Variants in SBNO1 observed in about 807,000 individuals in gnomAD.
SBNO1 encodes strawberry notch homolog 1.
A neutral mutation model predicts 173.6 loss-of-function variants in SBNO1; 23 were observed. The ratio of observed to expected loss-of-function variants is 0.13; its 90% CI spans 0.10 to 0.19. The LOEUF is 0.19. Ranked by LOEUF, SBNO1 falls within the 10% of genes least tolerant of loss-of-function variation. The pLI is 1.00. For synonymous variants in SBNO1, 632 were observed against 571.5 expected, an observed-to-expected ratio of 1.11 and a Z score of -1.51; for missense variants, 1,238 against 1,671.2, an observed-to-expected ratio of 0.74 and a Z score of 4.52.
chr12:123,344,410 G>A (rs1290355767), intron 4 of SBNO1, among the ~76,000 whole-genome samples: 1 of 152,280 alleles, frequency 6.6e-6, no homozygotes, highest in East Asian at 1.9e-4. Context: ...ACAGCCACAA[G>A]GACACAGTGG....
At chr12:123,361,056 C>CA (rs1178402121) in intron 1 of SBNO1, among the ~76,000 whole-genome samples, 2 of 151,970 alleles carry the variant, frequency 1.3e-5, no homozygotes, top group African/African-American at 4.8e-5. Context: ...CAATCCTGGT[C>CA]AAAATGGTAA....
In SBNO1 at chr12:123,331,283, G is replaced by A. The variant is rs764761025; in HGVS notation, c.1002C>T (p.Ile334=). ...TACTCAACAAATAATTTTCATAGATGATTCCTGCTATCGTCCTTCCTTTTC... is the reference window on the plus strand; with the variant it reads ...TACTCAACAAATAATTTTCATAGATAATTCCTGCTATCGTCCTTCCTTTTC... The part of the protein sequence containing the change: ...GVGKGRTIAG[I]IYENYLLSRK... Residue 334 remains isoleucine (I), a synonymous_variant, in exon 8 of 32, where the codon ATC becomes ATT. Coordinates refer to ENST00000602398, the MANE Select transcript of SBNO1 (RefSeq NM_001167856.3). 8.1e-6 allele frequency: 13 copies of A among 1,613,896 alleles called. No individual in the cohort carries two copies. Among genetic ancestry groups the A allele is most frequent in the Non-Finnish European group, 1.1e-5 (13 of 1,179,962 alleles).
At chr12:123,313,540 T>C (rs990529456) in intron 24 of SBNO1, 80 bp downstream of exon 24, 10 of 735,934 alleles carry the variant, frequency 1.4e-5, no homozygotes, top group East Asian at 2.7e-5. Flanking sequence ...AAAACTAATA[T>C]AACAGCAAAC....
Position 123,304,679 on chromosome 12 carries a change from A to G in SBNO1, c.3671T>C (p.Val1224Ala), listed in dbSNP as rs1041639266. 1 of 1,550,572 alleles carries G rather than the reference A, an allele frequency of 6.4e-7. No homozygotes were observed. The highest frequency in any genetic ancestry group is 8.9e-7 in the Non-Finnish European group (1 of 1,126,258). ...NKKTAILVKEVNPKKKLFLVY... is the reference protein window; with the variant it reads ...NKKTAILVKEANPKKKLFLVY... Reference sequence around the variant, plus strand: ...TAAGAAAAGTTTCTTTTTAGGATTCACTTCTTTAACTAAGATGGCAGTTTT... The same window carrying G: ...TAAGAAAAGTTTCTTTTTAGGATTCGCTTCTTTAACTAAGATGGCAGTTTT... The change falls in exon 29 of 32, where the codon GTG becomes GCG. Residue 1224 changes from valine to alanine, a missense_variant. Physicochemically the swap from Val to Ala is moderately conservative, Grantham distance 64 (BLOSUM62 0). Around this residue, in one of 14 missense-constraint regions of SBNO1, gnomAD observed 351 missense variants for 420.3 expected, o/e 0.84. Coordinates refer to ENST00000602398, the MANE Select transcript of SBNO1 (RefSeq NM_001167856.3).
intron 15 of SBNO1, among the ~76,000 whole-genome samples, 175 bp downstream of exon 15, chr12:123,325,327 T>C (rs571302044): frequency 1.3e-5 from 2 of 152,350 alleles, no homozygotes; most frequent in East Asian, 3.9e-4. Context: ...ATGAGATTTC[T>C]GTTATTGTTT....
chr12:123,300,781 A>G (rs2048760626), intron 30 of SBNO1, among the ~76,000 whole-genome samples: 1 of 151,816 alleles, frequency 6.6e-6, no homozygotes. Flanking sequence ...CCAACATGGT[A>G]AAACCCTGTC....
chr12:123,318,841 AACATG>A (rs2138958569), intron 20 of SBNO1, among the ~76,000 whole-genome samples: 1 of 152,010 alleles, frequency 6.6e-6, no homozygotes, highest in East Asian at 2.0e-4. Context: ...GTCTTAATAT[AACATG>A]ACATAGCAAT....
intron 30 of SBNO1, among the ~76,000 whole-genome samples, 166 bp downstream of exon 30, chr12:123,302,658 G>A (rs1241471987): frequency 6.6e-6 from 1 of 152,306 alleles, no homozygotes; most frequent in East Asian, 1.9e-4. Flanking sequence ...AAACTAAACA[G>A]TTTCTAGTCT....
chr12:123,333,655 C>G (rs1052310547), intron 7 of SBNO1, among the ~76,000 whole-genome samples: 1 of 151,928 alleles, frequency 6.6e-6, no homozygotes, highest in African/African-American at 2.4e-5. Flanking sequence ...TGCCACTACA[C>G]TCAGCTAATT....
At chr12:123,320,332 C>G (rs1869808196) in intron 19 of SBNO1, 100 bp downstream of exon 19, 1 of 1,163,440 alleles carries the variant, frequency 8.6e-7, no homozygotes, top group Admixed American at 2.4e-5. Flanking sequence ...ATTCTATGAT[C>G]TAAGAAATTT....
chr12:123,323,374 A>G (rs112443234), intron 16 of SBNO1, among the ~76,000 whole-genome samples: 2 of 152,118 alleles, frequency 1.3e-5, no homozygotes, highest in Non-Finnish European at 2.9e-5. Context: ...TTCTTTTTTG[A>G]GACAGAGTCT....
intron 30 of SBNO1, among the ~76,000 whole-genome samples, chr12:123,300,176 G>A (rs1413265221): frequency 6.6e-6 from 1 of 152,154 alleles, no homozygotes; most frequent in Non-Finnish European, 1.5e-5. Context: ...TTAAATGTAG[G>A]TATATAGGAC....
intron 1 of SBNO1, chr12:123,364,403 G>T (rs748213554): frequency 1.0e-6 from 1 of 985,470 alleles, no homozygotes; most frequent in Non-Finnish European, 1.2e-6. Flanking sequence ...TCCAAGAGGG[G>T]TGCCTCCGGC....
chr12:123,302,213 G>GT (rs1174023690), intron 30 of SBNO1, among the ~76,000 whole-genome samples: 1 of 148,340 alleles, frequency 6.7e-6, no homozygotes, highest in East Asian at 2.0e-4. Flanking sequence ...GATTACAGGC[G>GT]TAAGCCACCA....
rs11288218 is a variant in SBNO1 at position 123,291,679 on chromosome 12, T to TAAAAAAAAAA, written c.*4219_*4228dup. On this transcript the variant is annotated 3_prime_UTR_variant, in exon 32 of 32. Coordinates refer to ENST00000602398, the MANE Select transcript of SBNO1 (RefSeq NM_001167856.3). ...AATGAAAAGTTTTCCATACTTTTCT[T>TAAAAAAAAAA]AAAAAAAAAAAAAAAAAAAAGTCAT... 8.4e-6 allele frequency: 1 copy of TAAAAAAAAAA among 118,622 alleles called. No homozygotes were observed. Among genetic ancestry groups the TAAAAAAAAAA allele is most frequent in the African/African-American group, 3.2e-5 (1 of 31,136 alleles). 7.3% of individuals were successfully genotyped at this position (118,622 alleles called of 1,614,324 possible). A position where few individuals can be genotyped will look rare whatever the true frequency, so the allele number is the denominator to read the frequency against.
At chr12:123,306,142 C>G (rs933901610) in intron 28 of SBNO1, among the ~76,000 whole-genome samples, 1 of 152,074 alleles carries the variant, frequency 6.6e-6, no homozygotes, top group African/African-American at 2.4e-5. Context: ...AGTCATAAAA[C>G]AATGGTTAAG....
Position 123,364,835 on chromosome 12 carries a change from T to C in SBNO1, c.-135A>G. 1.1e-6 allele frequency: 1 copy of C among 944,776 alleles called. No homozygotes were observed. Among genetic ancestry groups the C allele is most frequent in the Non-Finnish European group, 1.3e-6 (1 of 793,686 alleles). The allele number at this position is 944,776 out of a possible 1,614,324, so 58.5% of individuals were successfully genotyped here. A position where few individuals can be genotyped will look rare whatever the true frequency, so the allele number is the denominator to read the frequency against. ...TGCTCTGCCTACCTCCCCGCCGCCA[T>C]CTTGACGCCCCTCCCCCAGCCCCCC... On this transcript the variant is annotated 5_prime_UTR_variant, in exon 1 of 32. An upstream start codon of the reference 5' UTR is lost. Coordinates refer to ENST00000602398, the MANE Select transcript of SBNO1 (RefSeq NM_001167856.3).
intron 24 of SBNO1, among the ~76,000 whole-genome samples, chr12:123,312,642 C>T (rs982902806): frequency 5.3e-5 from 8 of 150,898 alleles, no homozygotes; most frequent in African/African-American, 2.0e-4. Context: ...AACCTGGTGG[C>T]GGAGGTTGCA....
intron 1 of SBNO1, among the ~76,000 whole-genome samples, chr12:123,360,370 G>A (rs1875001797): frequency 6.6e-6 from 1 of 152,186 alleles, no homozygotes; most frequent in South Asian, 2.1e-4. Context: ...ATCTTCACAG[G>A]TGGCAAGTCA....
Sources: allele counts gnomAD v4.1 joint callset (sites outside exome capture counted in the v4.1 genomes callset), GRCh38; gene constraint gnomAD v4.1.1; regional missense constraint gnomAD v4.1.1; transcripts MANE v1.5; gene names NCBI Gene and HGNC (gene_info 2026-07-23, HGNC 2026-07-21).